Variants in ELAPOR2 observed in about 807,000 individuals in gnomAD.
ELAPOR2 encodes endosome-lysosome associated apoptosis and autophagy regulator family member 2, also known as endosome/lysosome-associated apoptosis and autophagy regulator family member 2.
A neutral mutation model predicts 120.7 loss-of-function variants in ELAPOR2; 89 were observed. That is an observed-to-expected ratio of 0.74 (90% CI 0.62 to 0.88). The LOEUF is 0.88. Ranked by LOEUF, ELAPOR2 falls within the 40% of genes least tolerant of loss-of-function variation. The pLI, the probability that ELAPOR2 is intolerant of heterozygous loss-of-function variation, is 0.00. For missense variants in ELAPOR2, 1,134 were observed against 1,251.6 expected, an observed-to-expected ratio of 0.91 and a Z score of 1.42; for synonymous variants, 444 against 444.9, an observed-to-expected ratio of 1.00 and a Z score of 0.03.
At chr7:87,026,532 A>C (rs1794250306) in intron 1 of ELAPOR2, among the ~76,000 whole-genome samples, 1 of 151,980 alleles carries the variant, frequency 6.6e-6, no homozygotes, top group Non-Finnish European at 1.5e-5. Flanking sequence ...CCCAGTTAGA[A>C]AGTAATTTGG....
intron 1 of ELAPOR2, among the ~76,000 whole-genome samples, chr7:87,052,050 C>T (rs1795116954): frequency 6.6e-6 from 1 of 152,214 alleles, no homozygotes; most frequent in East Asian, 1.9e-4. Context: ...TAAGGAGTTT[C>T]TAAGACACCC....
intron 17 of ELAPOR2, 32 bp from the exon 18 acceptor site, chr7:86,907,803 C>G: frequency 7.6e-7 from 1 of 1,313,078 alleles, no homozygotes; most frequent in Non-Finnish European, 1.0e-6. Flanking sequence ...TTTTAAAAAA[C>G]AGATATAATA....
intron 1 of ELAPOR2, among the ~76,000 whole-genome samples, chr7:87,019,850 T>C (rs940065150): frequency 3.3e-5 from 5 of 152,168 alleles, no homozygotes; most frequent in East Asian, 1.9e-4. Flanking sequence ...TTGCACTTAA[T>C]ATAGAAGTCA....
intron 21 of ELAPOR2, among the ~76,000 whole-genome samples, chr7:86,884,183 C>A (rs1050171165): frequency 2.0e-4 from 31 of 152,122 alleles, no homozygotes; most frequent in Non-Finnish European, 8.8e-5. Context: ...AAATTCACTA[C>A]CCTGAATCTT....
At chr7:87,000,202 A>T (rs919092725) in intron 1 of ELAPOR2, among the ~76,000 whole-genome samples, 2 of 152,148 alleles carry the variant, frequency 1.3e-5, no homozygotes, top group Non-Finnish European at 2.9e-5. Flanking sequence ...ACACACACAC[A>T]CACAAAAGGA....
intron 3 of ELAPOR2, among the ~76,000 whole-genome samples, chr7:86,945,671 G>T (rs904208752): frequency 1.3e-5 from 2 of 152,112 alleles, no homozygotes; most frequent in Non-Finnish European, 2.9e-5. Flanking sequence ...CTATGCTGTT[G>T]TAAAATTTAA....
chr7:87,044,982 A>C (rs1438770046), intron 1 of ELAPOR2, among the ~76,000 whole-genome samples: 5 of 147,274 alleles, frequency 3.4e-5, no homozygotes, highest in Admixed American at 3.3e-4. Flanking sequence ...GAACACATTT[A>C]TGCAGCCAAA....
In ELAPOR2 at chr7:86,913,184, G is replaced by A. The variant is rs200092748; in HGVS notation, c.1752C>T (p.Asp584=). 1.0e-4 allele frequency: 168 copies of A among 1,613,832 alleles called. 1 individual carries two copies. The highest frequency in any genetic ancestry group is 1.4e-4 in the Non-Finnish European group (161 of 1,179,880). The change falls in exon 14 of 22, where the codon GAC becomes GAT. Residue 584 remains aspartate (D), a synonymous_variant. Coordinates refer to ENST00000450689, the MANE Select transcript of ELAPOR2 (RefSeq NM_001142749.3). ...QGQDNRRFIN[D]MVKIYSITAT... is the part of the protein sequence containing the mutation. The stretch of plus-strand genomic sequence containing the variant: ...CTGTGATAGAATAAATCTTCACCAT[G>A]TCATTGATGAACCGTCTATTCTAAA...
chr7:86,907,955 C>G (rs2116037446), intron 17 of ELAPOR2, among the ~76,000 whole-genome samples, 184 bp from the exon 18 acceptor site: 1 of 151,942 alleles, frequency 6.6e-6, no homozygotes, highest in Non-Finnish European at 1.5e-5. Context: ...GAAAAGTTGA[C>G]TACTTTCCCA....
intron 1 of ELAPOR2, among the ~76,000 whole-genome samples, chr7:87,017,541 C>T (rs1422815950): frequency 6.6e-6 from 1 of 152,090 alleles, no homozygotes; most frequent in Non-Finnish European, 1.5e-5. Flanking sequence ...ACTCAGAATG[C>T]TTGGTTTGCT....
intron 9 of ELAPOR2, among the ~76,000 whole-genome samples, chr7:86,926,033 C>T (rs1435748083): frequency 6.6e-6 from 1 of 151,942 alleles, no homozygotes; most frequent in Non-Finnish European, 1.5e-5. Flanking sequence ...AGTTCTTCCA[C>T]CTTATGAATA....
At chr7:86,886,602 G>GT (rs1405238522) in intron 21 of ELAPOR2, among the ~76,000 whole-genome samples, 1 of 152,142 alleles carries the variant, frequency 6.6e-6, no homozygotes, top group African/African-American at 2.4e-5. Context: ...CCCAGATCTT[G>GT]TGACTCTACA....
intron 1 of ELAPOR2, among the ~76,000 whole-genome samples, chr7:87,050,625 A>C (rs1346186022): frequency 6.6e-6 from 1 of 152,220 alleles, no homozygotes; most frequent in East Asian, 1.9e-4. Flanking sequence ...CAATGCGAGA[A>C]CGGCCTAATA....
At chr7:87,021,794 A>C (rs1260336245) in intron 1 of ELAPOR2, among the ~76,000 whole-genome samples, 3 of 152,174 alleles carry the variant, frequency 2.0e-5, no homozygotes, top group African/African-American at 7.2e-5. Context: ...AACCTGAAGA[A>C]CATTTAAATT....
At chr7:86,953,981 T>C (rs778372467) in intron 2 of ELAPOR2, among the ~76,000 whole-genome samples, 34 of 152,230 alleles carry the variant, frequency 2.2e-4, no homozygotes, top group Non-Finnish European at 4.7e-4. Context: ...TCTTCTTTTC[T>C]GACATTTATT....
At chr7:86,952,327 C>T in intron 2 of ELAPOR2, among the ~76,000 whole-genome samples, 1 of 152,142 alleles carries the variant, frequency 6.6e-6, no homozygotes, top group South Asian at 2.1e-4. Context: ...AGCCACAGTG[C>T]ATTTAAATAA....
chr7:87,035,626 T>C (rs188124802), intron 1 of ELAPOR2, among the ~76,000 whole-genome samples: 9 of 152,316 alleles, frequency 5.9e-5, no homozygotes, highest in Non-Finnish European at 1.3e-4. Flanking sequence ...CTTCAAATAT[T>C]GCATCTAAGT....
intron 1 of ELAPOR2, among the ~76,000 whole-genome samples, chr7:86,977,477 C>T (rs1053410524): frequency 2.6e-5 from 4 of 152,150 alleles, no homozygotes; most frequent in African/African-American, 9.7e-5. Context: ...AATCTCTCCC[C>T]GTATCTCTCA....
chr7:87,026,938 T>C (rs2116719132), intron 1 of ELAPOR2, among the ~76,000 whole-genome samples: 1 of 152,220 alleles, frequency 6.6e-6, no homozygotes, highest in East Asian at 1.9e-4. Flanking sequence ...TGAAAACATT[T>C]ACTTGGATCG....
Sources: allele counts gnomAD v4.1 joint callset (sites outside exome capture counted in the v4.1 genomes callset), GRCh38; gene constraint gnomAD v4.1.1; transcripts MANE v1.5; gene names NCBI Gene and HGNC (gene_info 2026-07-23, HGNC 2026-07-21).